Variants in SLFN12L observed in about 807,000 individuals in gnomAD.
SLFN12L encodes schlafen family member 12 like, also known as schlafen family member 12-like.
Under a neutral mutation model 34.8 loss-of-function variants are expected in SLFN12L, and 34 were observed. The ratio of observed to expected loss-of-function variants is 0.98; its 90% CI spans 0.74 to 1.30. The LOEUF (loss-of-function observed/expected upper bound fraction) is 1.30, where lower values mean the gene tolerates loss of function less well. SLFN12L is among the 50% of genes most tolerant of loss of function. The probability of loss-of-function intolerance (pLI) is 0.00; values close to 1 mark genes in which losing one functional copy is unlikely to be tolerated. For missense variants in SLFN12L, 703 were observed against 696.2 expected, an observed-to-expected ratio of 1.01 and a Z score of -0.11; for synonymous variants, 259 against 247.5, an observed-to-expected ratio of 1.05 and a Z score of -0.44.
chr17:35,533,216 G>C (rs2072427899), intron 1 of SLFN12L, among the ~76,000 whole-genome samples: 1 of 152,136 alleles, frequency 6.6e-6, no homozygotes, highest in African/African-American at 2.4e-5. Flanking sequence ...ACACAATGTT[G>C]TATGTAGAAA....
chr17:35,528,146 A>T (rs2072356302), intron 1 of SLFN12L, among the ~76,000 whole-genome samples: 1 of 152,258 alleles, frequency 6.6e-6, no homozygotes, highest in Non-Finnish European at 1.5e-5. Flanking sequence ...CTTACAAGGG[A>T]TGTGAAGGAC....
chr17:35,514,744 T>G, intron 2 of SLFN12L: 1 of 387,814 alleles, frequency 2.6e-6, no homozygotes, highest in Non-Finnish European at 5.0e-6. Context: ...AACTGAGATT[T>G]TATTATGTTG....
rs137980086 is a variant in SLFN12L at position 35,465,633 on chromosome 17, G to C, written c.*9290C>G. Among the ~76,000 whole-genome samples the C allele has an allele frequency of 1.3e-5, 2 of 151,510 alleles. No homozygotes were observed. Among genetic ancestry groups the C allele is most frequent in the Non-Finnish European group, 2.9e-5 (2 of 67,878 alleles). ...ATAAAGGAGATAAGTATTCCCTGCT[G>C]CTTGTCCGTTTAACAGCCCAGTGTT... On this transcript the variant is annotated 3_prime_UTR_variant, in exon 5 of 5. Transcript: ENST00000628453.
chr17:35,472,545 G>T lies in SLFN12L; in HGVS notation c.*2378C>A, dbSNP rs920901222. 2.0e-5 allele frequency among the ~76,000 whole-genome samples: 3 copies of T among 152,138 alleles called. No individual in the cohort carries two copies. Among genetic ancestry groups the T allele is most frequent in the Admixed American group, 6.5e-5 (1 of 15,270 alleles). On this transcript the variant is annotated 3_prime_UTR_variant, in exon 5 of 5. Transcript: ENST00000628453. Reference sequence around the variant, plus strand: ...GTTTTGGTTACTGTAGCCATGTAGTGTAGTTTGAAGTCAGGTAGCATAATG... The same window carrying T: ...GTTTTGGTTACTGTAGCCATGTAGTTTAGTTTGAAGTCAGGTAGCATAATG...
intron 2 of SLFN12L, among the ~76,000 whole-genome samples, chr17:35,507,926 C>T (rs1915516722): frequency 1.3e-5 from 2 of 152,202 alleles, no homozygotes; most frequent in South Asian, 4.1e-4. Flanking sequence ...GAGACCACCC[C>T]TCATATTGTC....
At chr17:35,490,714 G>A (rs866577127) in intron 2 of SLFN12L, 11 of 1,367,784 alleles carry the variant, frequency 8.0e-6, no homozygotes, top group Admixed American at 1.7e-5. Flanking sequence ...GTTAGCTTAC[G>A]TTACATATCA....
rs1181404510 is a variant in SLFN12L, at chr17:35,478,137, T to C, written c.1214A>G (p.Gln405Arg). 2 of 1,545,700 alleles carry C rather than the reference T, an allele frequency of 1.3e-6. No individual in the cohort carries two copies. The highest frequency in any genetic ancestry group is 1.8e-6 in the Non-Finnish European group (2 of 1,142,016). The change falls in exon 4 of 5, where the codon CAG becomes CGG. Residue 405 changes from glutamine to arginine, a missense_variant. Coordinates refer to ENST00000628453, the MANE Select transcript of SLFN12L (RefSeq NM_001363830.2). ...SPASTSSPVS[Q>R]SYPLREYINF... ...AATATATTCACGAAGAGGATAACTCTGGGAGACAGGTGATGATGTACTTGC... is the reference window on the plus strand; with the variant it reads ...AATATATTCACGAAGAGGATAACTCCGGGAGACAGGTGATGATGTACTTGC...
Position 35,474,515 on chromosome 17 carries a change from C to T in SLFN12L, c.*408G>A, listed in dbSNP as rs1913866181. On this transcript the variant is annotated 3_prime_UTR_variant, in exon 5 of 5. Transcript: ENST00000628453. ...TATATAATGAAAAATATCTCTGTAG[C>T]CCAGTCCATCTTCCATGATTCAAGT... is the stretch of plus-strand genomic sequence containing the variant. 1 of 158,800 alleles carries T rather than the reference C, an allele frequency of 6.3e-6. No individual in the cohort carries two copies. The highest frequency in any genetic ancestry group is 2.4e-5 in the African/African-American group (1 of 41,474). 9.8% of individuals were successfully genotyped at this position (158,800 alleles called of 1,614,324 possible). A position where few individuals can be genotyped will look rare whatever the true frequency, so the allele number is the denominator to read the frequency against.
intron 2 of SLFN12L, among the ~76,000 whole-genome samples, chr17:35,484,763 T>C (rs1274271110): frequency 6.6e-6 from 1 of 152,168 alleles, no homozygotes; most frequent in Admixed American, 6.5e-5. Flanking sequence ...AGGATGGTGC[T>C]GATAATGCTG....
rs549157850 is a variant in SLFN12L, at chr17:35,521,500, T to C, written c.86+779A>G. On this transcript the variant is annotated intron_variant, in intron 2 of 4. Coordinates refer to ENST00000628453, the MANE Select transcript of SLFN12L (RefSeq NM_001363830.2). ...TATTTTACCATGGCTGGGTGGATTT[T>C]CAGATCTTTAATAGAGTAAGTCCCA... 3.9e-5 allele frequency among the ~76,000 whole-genome samples: 6 copies of C among 152,346 alleles called. No homozygotes were observed. In the East Asian group the frequency reaches 9.6e-4, roughly 24 times the overall value.
At chr17:35,530,528 A>AAAG (rs2072399766) in intron 1 of SLFN12L, among the ~76,000 whole-genome samples, 2 of 48,406 alleles carry the variant, frequency 4.1e-5, no homozygotes, top group African/African-American at 1.1e-4. Context: ...AAAAGAAAAG[A>AAAG]AAAGAAAAGA....
intron 4 of SLFN12L, among the ~76,000 whole-genome samples, chr17:35,477,435 T>C (rs1257876939): frequency 6.6e-6 from 1 of 152,134 alleles, no homozygotes; most frequent in Non-Finnish European, 1.5e-5. Flanking sequence ...TTTGACTATA[T>C]CCAATTTAAA....
Position 35,490,770 on chromosome 17 carries a change from T to C in SLFN12L, c.87-10575A>G. ...GCCTTAAAGACCAAACTGTTATAGTTGTGAAAGCCCCTCCAGAAATAAGAC... is the reference window on the plus strand; with the variant it reads ...GCCTTAAAGACCAAACTGTTATAGTCGTGAAAGCCCCTCCAGAAATAAGAC... On this transcript the variant is annotated intron_variant, in intron 2 of 4. Transcript: ENST00000628453. The C allele has an allele frequency of 2.0e-6, 3 of 1,492,792 alleles. No individual in the cohort carries two copies. In the South Asian group the frequency reaches 3.4e-5, roughly 17 times the overall value. 92.5% of individuals were successfully genotyped at this position (1,492,792 alleles called of 1,614,324 possible).
At chr17:35,535,277 A>G (rs930222004) in intron 1 of SLFN12L, among the ~76,000 whole-genome samples, 4 of 138,928 alleles carry the variant, frequency 2.9e-5, no homozygotes, top group South Asian at 2.3e-4. Context: ...CACAACCTCC[A>G]CCTCCCAGGT....
chr17:35,495,340 C>T (rs188437404), intron 2 of SLFN12L, among the ~76,000 whole-genome samples: 3 of 152,244 alleles, frequency 2.0e-5, no homozygotes, highest in East Asian at 1.9e-4. Context: ...TCTTAAGTGC[C>T]GTGATGGTTT....
chr17:35,516,266 T>C lies in SLFN12L; in HGVS notation c.86+6013A>G, dbSNP rs115241589. On this transcript the variant is annotated intron_variant, in intron 2 of 4. Transcript: ENST00000628453. ...AAGGTTGGGGTCCCTACTAGGGGCATGGAATCCTCTAAGATTCTTCATTCC... is the reference window on the plus strand; with the variant it reads ...AAGGTTGGGGTCCCTACTAGGGGCACGGAATCCTCTAAGATTCTTCATTCC... Among the ~76,000 whole-genome samples, 869 of 152,346 alleles carry C rather than the reference T, an allele frequency of 5.7e-3. 10 individuals carry two copies. Among genetic ancestry groups the C allele is most frequent in the African/African-American group, 0.019 (810 of 41,584 alleles).
chr17:35,525,065 C>T (rs2072320598), intron 1 of SLFN12L, among the ~76,000 whole-genome samples: 1 of 151,672 alleles, frequency 6.6e-6, no homozygotes, highest in Non-Finnish European at 1.5e-5. Flanking sequence ...GAAACATACA[C>T]AAGTATCAGT....
rs1914252415 is a variant in SLFN12L at position 35,479,964 on chromosome 17, C to A, written c.318G>T (p.Glu106Asp). 6.2e-7 allele frequency: 1 copy of A among 1,614,154 alleles called. No individual in the cohort carries two copies. Among genetic ancestry groups the A allele is most frequent in the Non-Finnish European group, 8.5e-7 (1 of 1,180,004 alleles). ...SGGGVIKAEV[E>D]NKGYSYKKDG... ...CTTTTTTATAACTATAGCCTTTATTCTCAACTTCAGCCTTGATCACTCCCC... is the reference window on the plus strand; with the variant it reads ...CTTTTTTATAACTATAGCCTTTATTATCAACTTCAGCCTTGATCACTCCCC... The change falls in exon 3 of 5, where the codon GAG becomes GAT. Residue 106 changes from glutamate to aspartate, a missense_variant. Transcript: ENST00000628453.
At chr17:35,491,543 C>T (rs1206792523) in intron 2 of SLFN12L, among the ~76,000 whole-genome samples, 1 of 152,234 alleles carries the variant, frequency 6.6e-6, no homozygotes, top group Non-Finnish European at 1.5e-5. Flanking sequence ...CCCGACTTTT[C>T]CTTCCTCCTT....
Sources: gnomAD v4.1 joint callset for allele counts (sites outside exome capture counted in the v4.1 genomes callset) on GRCh38, gnomAD v4.1.1 for gene constraint, MANE v1.5 for transcripts, NCBI Gene and HGNC (gene_info 2026-07-23, HGNC 2026-07-21) for gene names.